MID1: variants seen among roughly 807,000 people sequenced by gnomAD.
MID1 encodes midline 1.
In MID1, 7 loss-of-function variants were observed where a neutral mutation model predicts 40.4. That is an observed-to-expected ratio of 0.17 (90% CI 0.10 to 0.33). MID1 has a LOEUF of 0.33. Among genes scored for constraint, MID1 ranks in the 10% least tolerant of loss-of-function variants. The pLI is 1.00. For synonymous variants in MID1, 229 were observed against 221.2 expected (o/e 1.04, Z -0.31); for missense variants, 367 against 558.5 (o/e 0.66, Z 3.46).
chrX:10,621,765 T>G (rs1489795972), upstream of MID1, among the ~76,000 whole-genome samples: 1 of 109,739 alleles, frequency 9.1e-6, no homozygotes, highest in African/African-American at 3.3e-5. Context: ...AGGAGCCACC[T>G]AGTGACACAA....
intron 8 of MID1, among the ~76,000 whole-genome samples, chrX:10,456,852 AAAAAG>A (rs987882741): frequency 9.9e-5 from 11 of 110,727 alleles, no homozygotes; most frequent in East Asian, 2.8e-4. Context: ...AATAACAATA[AAAAAG>A]AAAAGAAAAG....
chrX:10,603,247 T>G (rs1343568267), intron 1 of MID1, among the ~76,000 whole-genome samples: 3 of 111,531 alleles, frequency 2.7e-5, no homozygotes, highest in Non-Finnish European at 3.8e-5. Flanking sequence ...CAAATAGCCA[T>G]GGGGTATCAG....
chrX:10,808,445 G>T (rs1192398518), intron 1 of MID1, among the ~76,000 whole-genome samples: 1 of 110,118 alleles, frequency 9.1e-6, no homozygotes, highest in African/African-American at 3.3e-5. Context: ...CCCTCTCTGT[G>T]GTGCTCTTCA....
intron 1 of MID1, among the ~76,000 whole-genome samples, chrX:10,811,742 T>C (rs912316000): frequency 2.7e-5 from 3 of 111,666 alleles, no homozygotes; most frequent in Non-Finnish European, 5.6e-5. Context: ...CTTGCCAGGA[T>C]TGGACTTTAG....
At chrX:10,688,666 C>T (rs1255791983) in intron 1 of MID1, among the ~76,000 whole-genome samples, 2 of 110,983 alleles carry the variant, frequency 1.8e-5, no homozygotes, top group African/African-American at 6.6e-5. Flanking sequence ...TTTTCTCAAA[C>T]AGCCAATTTT....
intron 1 of MID1, among the ~76,000 whole-genome samples, chrX:10,613,950 G>A (rs1026023252): frequency 4.7e-5 from 5 of 106,622 alleles, no homozygotes; most frequent in African/African-American, 1.7e-4. Context: ...ATATCCCTTC[G>A]GATTTTAAGG....
intron 1 of MID1, among the ~76,000 whole-genome samples, chrX:10,640,917 T>A (rs1936185972): frequency 9.0e-6 from 1 of 111,665 alleles, no homozygotes; most frequent in Non-Finnish European, 1.9e-5. Context: ...GAATGACTAC[T>A]GGGTACATAA....
intron 1 of MID1, among the ~76,000 whole-genome samples, chrX:10,784,514 C>T (rs891976862): frequency 3.0e-5 from 3 of 101,553 alleles, no homozygotes; most frequent in Non-Finnish European, 4.0e-5. Context: ...GGGACAATCT[C>T]GGCTCACTGC....
At chrX:10,795,430 A>C (rs1017407213) in intron 1 of MID1, among the ~76,000 whole-genome samples, 18 of 112,332 alleles carry the variant, frequency 1.6e-4, no homozygotes, top group Middle Eastern at 4.2e-3. Flanking sequence ...AAATGCCACA[A>C]GGCCAGGATT....
At chrX:10,739,835 C>T (rs181335783) in intron 1 of MID1, among the ~76,000 whole-genome samples, 1 of 112,094 alleles carries the variant, frequency 8.9e-6, no homozygotes, top group African/African-American at 3.2e-5. Context: ...GTGTGCTGTC[C>T]CCCTTCTCCA....
chrX:10,803,075 C>T (rs941789529), intron 1 of MID1, among the ~76,000 whole-genome samples: 11 of 110,486 alleles, frequency 1.0e-4, no homozygotes, highest in Admixed American at 1.9e-4. Context: ...CTGCTGGATA[C>T]TATGCTCACT....
rs1247453996 is a variant in MID1 at position 10,482,462 on chromosome X, A to G, written c.1013+18T>C. The stretch of plus-strand genomic sequence containing the variant: ...AGAGCCCAGCAGCCGAGAAATTCCC[A>G]GGGGCCCCTGCACTCACCTCTCGGT... On this transcript the variant is annotated intron_variant, in intron 5 of 9. Transcript: ENST00000317552. 2.5e-6 allele frequency: 3 copies of G among 1,201,600 alleles called. No individual in the cohort carries two copies. The highest frequency in any genetic ancestry group is 3.4e-6 in the Non-Finnish European group (3 of 888,029).
chrX:10,573,976 T>C (rs755638792), intron 1 of MID1, among the ~76,000 whole-genome samples: 1 of 111,768 alleles, frequency 8.9e-6, no homozygotes, highest in South Asian at 3.8e-4. Flanking sequence ...GTCCTCCTGG[T>C]CACCAGACAG....
intron 1 of MID1, among the ~76,000 whole-genome samples, chrX:10,630,358 A>G (rs182285518): frequency 3.7e-4 from 41 of 111,505 alleles, no homozygotes; most frequent in African/African-American, 1.2e-3. Flanking sequence ...AAGACTTTCA[A>G]CTACAGTGAT....
intron 1 of MID1, among the ~76,000 whole-genome samples, chrX:10,627,554 A>G (rs1167294306): frequency 8.9e-6 from 1 of 111,733 alleles, no homozygotes; most frequent in Non-Finnish European, 1.9e-5. Flanking sequence ...TCTTGATTTA[A>G]ATCCATTTTT....
chrX:10,474,788 G>C, intron 5 of MID1, 38 bp from the exon 6 acceptor site: 1 of 1,187,510 alleles, frequency 8.4e-7, no homozygotes, highest in Non-Finnish European at 1.1e-6. Context: ...GAAATGTCAA[G>C]ATGACTTTCA....
chrX:10,468,003 T>C (rs1033314115), intron 7 of MID1, among the ~76,000 whole-genome samples: 2 of 111,813 alleles, frequency 1.8e-5, no homozygotes, highest in African/African-American at 6.5e-5. Context: ...ACCCGCTTTT[T>C]TTCAAGACTT....
intron 1 of MID1, among the ~76,000 whole-genome samples, chrX:10,807,012 G>A (rs983259440): frequency 1.8e-5 from 2 of 112,069 alleles, no homozygotes; most frequent in Non-Finnish European, 3.8e-5. Flanking sequence ...TGGAGGCCAA[G>A]GTGAGTGGAT....
At chrX:10,828,062 C>T (rs772270703) in intron 1 of MID1, among the ~76,000 whole-genome samples, 157 of 111,321 alleles carry the variant, frequency 1.4e-3, no homozygotes, top group Non-Finnish European at 2.5e-3. Context: ...GCTAAGAAAA[C>T]ATTGTGTTAT....
Sources: gnomAD v4.1 joint callset for allele counts (sites outside exome capture counted in the v4.1 genomes callset) on GRCh38, gnomAD v4.1.1 for gene constraint, MANE v1.5 for transcripts, NCBI Gene and HGNC (gene_info 2026-07-23, HGNC 2026-07-21) for gene names.